The following TEC variants were observed in gnomAD, a reference collection of about 807,000 sequenced individuals.
TEC encodes tec protein tyrosine kinase.
A neutral mutation model predicts 93.0 loss-of-function variants in TEC; 72 were observed. The ratio of observed to expected loss-of-function variants is 0.77; its 90% CI spans 0.64 to 0.94. The LOEUF (loss-of-function observed/expected upper bound fraction) is 0.94, where lower values mean the gene tolerates loss of function less well. Ranked by LOEUF, TEC falls within the 40% of genes least tolerant of loss-of-function variation. The pLI is 0.00. For synonymous variants in TEC, 249 were observed against 247.7 expected (o/e 1.01, Z -0.05); for missense variants, 630 against 757.9 (o/e 0.83, Z 1.98).
At chr4:48,205,135 C>T (rs1722661462) in intron 2 of TEC, among the ~76,000 whole-genome samples, 1 of 152,248 alleles carries the variant, frequency 6.6e-6, no homozygotes, top group African/African-American at 2.4e-5. Context: ...CCTCAGAAGA[C>T]TGTGGTCAAG....
At chr4:48,255,245 T>C (rs1046514463) in intron 1 of TEC, among the ~76,000 whole-genome samples, 13 of 152,264 alleles carry the variant, frequency 8.5e-5, no homozygotes, top group African/African-American at 3.1e-4. Context: ...GCTTCCTCCA[T>C]GGAGCAGGGA....
At chr4:48,231,382 T>G (rs1723639691) in intron 1 of TEC, among the ~76,000 whole-genome samples, 2 of 152,226 alleles carry the variant, frequency 1.3e-5, no homozygotes, top group South Asian at 4.1e-4. Context: ...CCTAAGAAAC[T>G]GTCAGAATGC....
intron 2 of TEC, among the ~76,000 whole-genome samples, chr4:48,203,329 C>T (rs1722593928): frequency 6.7e-6 from 1 of 149,272 alleles, no homozygotes; most frequent in Non-Finnish European, 1.5e-5. Flanking sequence ...TGCACCACTG[C>T]ACTCCAGCCT....
At chr4:48,137,749 G>A (rs1197866858) in intron 17 of TEC, among the ~76,000 whole-genome samples, 1 of 152,136 alleles carries the variant, frequency 6.6e-6, no homozygotes, top group Non-Finnish European at 1.5e-5. Flanking sequence ...TTTACTGCCT[G>A]TGAAATCAAG....
intron 2 of TEC, among the ~76,000 whole-genome samples, chr4:48,182,642 G>A (rs546763261): frequency 6.6e-6 from 1 of 151,808 alleles, no homozygotes; most frequent in African/African-American, 2.4e-5. Flanking sequence ...GTAAACCAGC[G>A]TATATGGGAA....
intron 9 of TEC, among the ~76,000 whole-genome samples, chr4:48,155,330 C>G (rs1720352009): frequency 6.6e-6 from 1 of 152,192 alleles, no homozygotes; most frequent in East Asian, 1.9e-4. Flanking sequence ...ACTGCCCAAG[C>G]TCATAGCGTA....
At chr4:48,212,110 A>AAATATAT in intron 2 of TEC, among the ~76,000 whole-genome samples, 6,713 of 121,744 alleles carry the variant, frequency 0.055, 348 homozygotes, top group Admixed American at 0.1. Context: ...AAAAAAAAAA[A>AAATATAT]ATATATATAT....
At chr4:48,152,359 A>T (rs781087794) in intron 9 of TEC, among the ~76,000 whole-genome samples, 3 of 152,056 alleles carry the variant, frequency 2.0e-5, no homozygotes, top group Non-Finnish European at 4.4e-5. Flanking sequence ...AATCACTTGA[A>T]TCCTGGAGGT....
At chr4:48,241,365 C>T (rs1318859538) in intron 1 of TEC, among the ~76,000 whole-genome samples, 3 of 152,098 alleles carry the variant, frequency 2.0e-5, no homozygotes, top group Non-Finnish European at 4.4e-5. Flanking sequence ...CCAAGTAGCC[C>T]TGCTTGATTT....
intron 2 of TEC, among the ~76,000 whole-genome samples, chr4:48,183,536 G>A (rs1577730716): frequency 1.3e-5 from 2 of 152,214 alleles, no homozygotes; most frequent in Admixed American, 6.5e-5. Flanking sequence ...AAGGGAAAGC[G>A]AACTCTTTTC....
At chr4:48,215,324 T>C (rs1723040021) in intron 2 of TEC, among the ~76,000 whole-genome samples, 1 of 152,040 alleles carries the variant, frequency 6.6e-6, no homozygotes. Context: ...CTGGCCAACA[T>C]GGCGAAACCC....
chr4:48,207,317 G>A (rs531874013), intron 2 of TEC, among the ~76,000 whole-genome samples: 1 of 152,170 alleles, frequency 6.6e-6, no homozygotes, highest in Non-Finnish European at 1.5e-5. Flanking sequence ...GCAGGCATCA[G>A]GTGCTTTAAC....
At chr4:48,181,208 A>C (rs1394558654) in intron 2 of TEC, among the ~76,000 whole-genome samples, 1 of 152,210 alleles carries the variant, frequency 6.6e-6, no homozygotes, top group Non-Finnish European at 1.5e-5. Context: ...CAGAACTCAG[A>C]AATGCTTAGC....
intron 2 of TEC, among the ~76,000 whole-genome samples, chr4:48,176,467 T>A (rs148336906): frequency 0.033 from 5,086 of 152,202 alleles, 263 homozygotes; most frequent in East Asian, 0.22. Context: ...ATCCCTGTAA[T>A]CCCAGCACTT....
chr4:48,237,331 A>AG (rs1723812457), intron 1 of TEC, among the ~76,000 whole-genome samples: 1 of 150,984 alleles, frequency 6.6e-6, no homozygotes. Flanking sequence ...AAAAAAAAAA[A>AG]AGAGAGAGAG....
chr4:48,248,165 C>G (rs764053268), intron 1 of TEC, among the ~76,000 whole-genome samples: 2 of 152,202 alleles, frequency 1.3e-5, no homozygotes, highest in African/African-American at 2.4e-5. Flanking sequence ...GAAGTTCTAT[C>G]AGTTAGCTTT....
chr4:48,226,786 C>T (rs1294779346), intron 2 of TEC, among the ~76,000 whole-genome samples: 3 of 152,146 alleles, frequency 2.0e-5, no homozygotes, highest in East Asian at 1.9e-4. Flanking sequence ...TGACAAGAGT[C>T]AACTATATAT....
At chr4:48,140,888 G>C (rs1214371721) in intron 15 of TEC, among the ~76,000 whole-genome samples, 1 of 152,044 alleles carries the variant, frequency 6.6e-6, no homozygotes, top group Non-Finnish European at 1.5e-5. Flanking sequence ...GGACTTGTAG[G>C]TCTTATTCTC....
chr4:48,141,685 C>T (rs200326318), intron 14 of TEC: 29 of 203,204 alleles, frequency 1.4e-4, no homozygotes, highest in Middle Eastern at 1.8e-3. Flanking sequence ...TCTTTTCTTT[C>T]TTTTTTTTTT....
Sources: gnomAD v4.1 joint callset for allele counts (sites outside exome capture counted in the v4.1 genomes callset) on GRCh38, gnomAD v4.1.1 for gene constraint, MANE v1.5 for transcripts, NCBI Gene and HGNC (gene_info 2026-07-23, HGNC 2026-07-21) for gene names.